Variants in MEI4 observed in about 807,000 individuals in gnomAD.
MEI4 encodes meiosis-specific protein MEI4.
Under a neutral mutation model 31.4 loss-of-function variants are expected in MEI4, and 27 were observed. The observed-to-expected ratio is 0.86, with a 90% CI of 0.63 to 1.19. The LOEUF is 1.19. MEI4 is among the 50% of genes most tolerant of loss of function. The pLI, the probability that MEI4 is intolerant of heterozygous loss-of-function variation, is 0.00. For missense variants in MEI4, 329 were observed against 398.9 expected, an observed-to-expected ratio of 0.82 and a Z score of 1.49; for synonymous variants, 122 against 145.4, an observed-to-expected ratio of 0.84 and a Z score of 1.16.
At chr6:77,920,602 G>A (rs978370560) in intron 4 of MEI4, among the ~76,000 whole-genome samples, 9 of 151,712 alleles carry the variant, frequency 5.9e-5, no homozygotes, top group Admixed American at 1.3e-4. Flanking sequence ...AATCCCTTCC[G>A]GAAGGTTTCC....
chr6:77,852,959 G>T (rs113861350), intron 4 of MEI4, among the ~76,000 whole-genome samples: 1 of 152,176 alleles, frequency 6.6e-6, no homozygotes, highest in East Asian at 1.9e-4. Flanking sequence ...AGCACTTTGG[G>T]AGGCCGAGGC....
chr6:77,846,948 G>T (rs1770502604), intron 4 of MEI4, among the ~76,000 whole-genome samples: 1 of 152,140 alleles, frequency 6.6e-6, no homozygotes, highest in Non-Finnish European at 1.5e-5. Context: ...ATGCAGCTCA[G>T]TCAGCCTCTC....
chr6:77,687,748 TAGGGCCATGTATGGGGGGA>T (rs1268386636), intron 1 of MEI4, among the ~76,000 whole-genome samples: 1 of 152,052 alleles, frequency 6.6e-6, no homozygotes, highest in Admixed American at 6.6e-5. Flanking sequence ...GAGAGATGCA[TAGGGCCATGTATGGGGGGA>T]TTGCACAGAG....
At chr6:77,857,439 G>A (rs928366596) in intron 4 of MEI4, among the ~76,000 whole-genome samples, 2 of 152,126 alleles carry the variant, frequency 1.3e-5, no homozygotes, top group Non-Finnish European at 2.9e-5. Context: ...CATTCACACA[G>A]CCAATAATTT....
At chr6:77,798,177 AAATC>A (rs1268178996) in intron 3 of MEI4, among the ~76,000 whole-genome samples, 1 of 151,972 alleles carries the variant, frequency 6.6e-6, no homozygotes, top group Non-Finnish European at 1.5e-5. Context: ...TATAACTAAA[AAATC>A]AACAGGTAAA....
At chr6:77,669,514 GTTA>G (rs1366883417) in intron 1 of MEI4, among the ~76,000 whole-genome samples, 2 of 152,158 alleles carry the variant, frequency 1.3e-5, no homozygotes, top group South Asian at 2.1e-4. Flanking sequence ...TATTATTACT[GTTA>G]TTATTAGTGT....
chr6:77,921,310 G>C (rs1766697301), intron 4 of MEI4, among the ~76,000 whole-genome samples: 1 of 151,904 alleles, frequency 6.6e-6, no homozygotes, highest in South Asian at 2.1e-4. Flanking sequence ...TCTATCTTCA[G>C]AGTGAGTTTT....
intron 2 of MEI4, among the ~76,000 whole-genome samples, chr6:77,736,220 G>T (rs372903093): frequency 8.6e-5 from 13 of 151,954 alleles, no homozygotes; most frequent in African/African-American, 2.4e-4. Flanking sequence ...AATGGCGGGC[G>T]CCCCTCCCCC....
chr6:77,680,057 T>TAA (rs1201413251), intron 1 of MEI4, among the ~76,000 whole-genome samples: 1 of 144,296 alleles, frequency 6.9e-6, no homozygotes, highest in Non-Finnish European at 1.5e-5. Context: ...TGTATTTTTT[T>TAA]AAAAATGGTC....
intron 3 of MEI4, among the ~76,000 whole-genome samples, chr6:77,809,731 C>T (rs1025923405): frequency 2.6e-5 from 4 of 152,040 alleles, no homozygotes; most frequent in Admixed American, 2.6e-4. Context: ...AACCTACTAA[C>T]TGGTTAATAT....
At chr6:77,910,125 G>A (rs534669321) in intron 4 of MEI4, among the ~76,000 whole-genome samples, 1 of 152,262 alleles carries the variant, frequency 6.6e-6, no homozygotes, top group African/African-American at 2.4e-5. Flanking sequence ...AAAACTGGAA[G>A]CATTCCCTTT....
At chr6:77,660,433 G>C (rs1480603917) in intron 1 of MEI4, among the ~76,000 whole-genome samples, 1 of 152,158 alleles carries the variant, frequency 6.6e-6, no homozygotes, top group Admixed American at 6.5e-5. Flanking sequence ...GATATCAGCT[G>C]TGATGGCTTG....
chr6:77,792,452 ATTC>A (rs967071180), intron 3 of MEI4, among the ~76,000 whole-genome samples: 1 of 152,218 alleles, frequency 6.6e-6, no homozygotes, highest in African/African-American at 2.4e-5. Flanking sequence ...TTTTCTGCAA[ATTC>A]TTGCCAGTAC....
At chr6:77,902,265 G>A (rs908215281) in intron 4 of MEI4, among the ~76,000 whole-genome samples, 1 of 151,998 alleles carries the variant, frequency 6.6e-6, no homozygotes, top group African/African-American at 2.4e-5. Flanking sequence ...AATTTTGATA[G>A]AAATTGTATT....
At chr6:77,757,223 A>G (rs1767939435) in intron 2 of MEI4, among the ~76,000 whole-genome samples, 1 of 152,226 alleles carries the variant, frequency 6.6e-6, no homozygotes, top group Admixed American at 6.6e-5. Flanking sequence ...ATAATAAAAT[A>G]TGAATATAAG....
At chr6:77,875,804 A>G (rs1771319463) in intron 4 of MEI4, among the ~76,000 whole-genome samples, 1 of 152,218 alleles carries the variant, frequency 6.6e-6, no homozygotes, top group Non-Finnish European at 1.5e-5. Context: ...AGATGCATAT[A>G]CCCTTTAATC....
chr6:77,652,579 G>A (rs1768318887), upstream of MEI4, among the ~76,000 whole-genome samples: 1 of 152,204 alleles, frequency 6.6e-6, no homozygotes, highest in South Asian at 2.1e-4. Context: ...CAAAGGTTTG[G>A]TATGCAATTA....
chr6:77,703,661 A>G (rs985044167), intron 2 of MEI4, among the ~76,000 whole-genome samples: 3 of 152,192 alleles, frequency 2.0e-5, no homozygotes, highest in African/African-American at 7.2e-5. Context: ...TGGATTTAAT[A>G]TGGATCCTAG....
chr6:77,661,013 T>C (rs1358768953), intron 1 of MEI4, among the ~76,000 whole-genome samples: 2 of 152,110 alleles, frequency 1.3e-5, no homozygotes, highest in Admixed American at 6.6e-5. Flanking sequence ...GACTGGAAGA[T>C]AGTCGCCTAG....
Sources: allele counts gnomAD v4.1 joint callset (sites outside exome capture counted in the v4.1 genomes callset), GRCh38; gene constraint gnomAD v4.1.1; transcripts MANE v1.5; gene names NCBI Gene and HGNC (gene_info 2026-07-23, HGNC 2026-07-21).